Variants in FBN3 observed in about 807,000 individuals in gnomAD.
The protein encoded by FBN3 is fibrillin-3.
A neutral mutation model predicts 330.1 loss-of-function variants in FBN3; 234 were observed. That is an observed-to-expected ratio of 0.71 (90% CI 0.64 to 0.79). The LOEUF (loss-of-function observed/expected upper bound fraction) is 0.79, where lower values mean the gene tolerates loss of function less well. Among genes scored for constraint, FBN3 ranks in the 30% least tolerant of loss-of-function variants. FBN3 has a pLI of 0.00. For missense variants in FBN3, 3,606 were observed against 3,886.9 expected, an observed-to-expected ratio of 0.93 and a Z score of 1.92; for synonymous variants, 1,458 against 1,517.3, an observed-to-expected ratio of 0.96 and a Z score of 0.91.
Position 8,123,884 on chromosome 19 carries a change from C to T in FBN3, c.2856G>A (p.Glu952=). ...SIGAVWGVEC[E]ACPDPESLEF... ...CCAGAGACTCGGGATCCGGGCAGGC[C>T]TCGCACTCGACTCCCCACACGGCCC... The change falls in exon 23 of 64, where the codon GAG becomes GAA. Residue 952 remains glutamate, a synonymous_variant. Transcript: ENST00000600128. 1 of 1,613,722 alleles carries T rather than the reference C, an allele frequency of 6.2e-7. No individual in the cohort carries two copies. Among genetic ancestry groups the T allele is most frequent in the African/African-American group, 1.3e-5 (1 of 75,044 alleles).
rs758953789 is a variant in FBN3 at position 8,108,230 on chromosome 19, T to C, written c.4627A>G (p.Arg1543Gly). 1.2e-6 allele frequency: 2 copies of C among 1,610,492 alleles called. No homozygotes were observed. Among genetic ancestry groups the C allele is most frequent in the South Asian group, 2.2e-5 (2 of 90,466 alleles). The part of the protein sequence containing the change: ...LCPMANTTEY[R>G]TLCPGGEGFQ... ...CCCTCACCACCCGGGCACAGGGTTCTGTACTCAGCTGTAAAGGGAAACAGG... is the reference window on the plus strand; with the variant it reads ...CCCTCACCACCCGGGCACAGGGTTCCGTACTCAGCTGTAAAGGGAAACAGG... The change falls in exon 37 of 64, where the codon AGA becomes GGA. Residue 1543 changes from arginine (R) to glycine (G), a missense_variant. By Grantham distance (125) the Arg-to-Gly change is moderately radical. Coordinates refer to ENST00000600128, the MANE Select transcript of FBN3 (RefSeq NM_032447.5).
chr19:8,110,948 T>C lies in FBN3; in HGVS notation c.4230A>G (p.Gln1410=). ...RACQDVDECA[Q]GNLCAFGSCE... is the part of the protein sequence containing the mutation. ...AGCTCCCAAATGCACAGAGGTTCCC[T>C]TGCGCACACTCGTCCACATCTGCGG... Residue 1410 remains glutamine (Q), a synonymous_variant, in exon 34 of 64, where the codon CAA becomes CAG. Coordinates refer to ENST00000600128, the MANE Select transcript of FBN3 (RefSeq NM_032447.5). 6.2e-7 allele frequency: 1 copy of C among 1,614,238 alleles called. No homozygotes were observed.
intron 22 of FBN3, among the ~76,000 whole-genome samples, chr19:8,124,539 A>AT (rs55867844): frequency 0.046 from 6,070 of 132,316 alleles, 194 homozygotes; most frequent in East Asian, 0.1. Flanking sequence ...TGCCTGGCCA[A>AT]TTTTTTTTTT....
chr19:8,121,342 T>C lies in FBN3; in HGVS notation c.3127A>G (p.Thr1043Ala), dbSNP rs1485484770. The change falls in exon 25 of 64, where the codon ACC becomes GCC. Residue 1043 changes from threonine (T) to alanine (A), a missense_variant. Thr to Ala is a moderately conservative substitution (Grantham distance 58, BLOSUM62 0). Coordinates refer to ENST00000600128, the MANE Select transcript of FBN3 (RefSeq NM_032447.5). This position sits in a 1 kb window ranked among gnomAD's most constrained non-coding sequence, Gnocchi z 4.5. ...RISPDLCGQG[T>A]CVNTPGSFEC... Reference sequence around the variant, plus strand: ...AAGCTGCCCGGCGTGTTGACACAGGTGCCCTGGCCGCAGAGGTCAGGAGAG... The same window carrying C: ...AAGCTGCCCGGCGTGTTGACACAGGCGCCCTGGCCGCAGAGGTCAGGAGAG... The C allele has an allele frequency of 1.2e-6, 2 of 1,613,348 alleles. No individual in the cohort carries two copies. The highest frequency in any genetic ancestry group is 2.2e-5 in the South Asian group (2 of 90,980).
chr19:8,108,330 C>T, intron 36 of FBN3, 92 bp from the exon 37 acceptor site: 1 of 952,130 alleles, frequency 1.1e-6, no homozygotes, highest in Non-Finnish European at 1.6e-6. Context: ...GAAAAGGGCT[C>T]AAGAGTGGGC....
rs570980834 is a variant in FBN3, at chr19:8,106,826, C to T, written c.4688-593G>A. Among the ~76,000 whole-genome samples, 9 of 144,272 alleles carry T rather than the reference C, an allele frequency of 6.2e-5. No individual in the cohort carries two copies. The South Asian group carries it at 9.1e-4, about 15-fold the overall frequency. 94.6% of individuals were successfully genotyped at this position (144,272 alleles called of 152,430 possible). ...GGGGGAATAGAAAGGGAGTAGGGAACGGGTGGATGGGAAATGGGTGGATGG... is the reference window on the plus strand; with the variant it reads ...GGGGGAATAGAAAGGGAGTAGGGAATGGGTGGATGGGAAATGGGTGGATGG... On this transcript the variant is annotated intron_variant, in intron 37 of 63. Coordinates refer to ENST00000600128, the MANE Select transcript of FBN3 (RefSeq NM_032447.5).
chr19:8,111,239 G>C, intron 32 of FBN3, 56 bp from the exon 33 acceptor site: 1 of 1,531,310 alleles, frequency 6.5e-7, no homozygotes, highest in Non-Finnish European at 8.8e-7. Flanking sequence ...ACCCACACAG[G>C]GTGGGCAGGA....
intron 51 of FBN3, among the ~76,000 whole-genome samples, chr19:8,089,150 T>A (rs2082035648): frequency 6.6e-6 from 1 of 151,978 alleles, no homozygotes; most frequent in Non-Finnish European, 1.5e-5. Context: ...AATTAATAAG[T>A]GAATGAATGA....
At chr19:8,119,260 G>T (rs536142296) in intron 25 of FBN3, among the ~76,000 whole-genome samples, 1 of 152,278 alleles carries the variant, frequency 6.6e-6, no homozygotes, top group African/African-American at 2.4e-5. Context: ...AGGCCACGAA[G>T]CTGACACTCT....
At chr19:8,135,936 G>GAGCCA in intron 13 of FBN3, 25 bp downstream of exon 13, 1 of 668,778 alleles carries the variant, frequency 1.5e-6, no homozygotes. Context: ...GGAAGCCCCT[G>GAGCCA]CCCACCCGCC....
intron 59 of FBN3, among the ~76,000 whole-genome samples, chr19:8,079,372 A>C (rs1438396262): frequency 6.6e-6 from 1 of 152,112 alleles, no homozygotes; most frequent in African/African-American, 2.4e-5. Flanking sequence ...AGCTGCGATC[A>C]CATTGCTGTA....
At position 8,116,935 on chromosome 19, in the gene FBN3, C is replaced by G. The variant is rs2082718841; in HGVS notation, c.3587-136G>C. On this transcript the variant is annotated intron_variant, in intron 28 of 63. Coordinates refer to ENST00000600128, the MANE Select transcript of FBN3 (RefSeq NM_032447.5). Reference sequence around the variant, plus strand: ...GTCACTCGAGTAGTCTGGGGGCGCTCAAGCAGTTCTGAGGTTCTTTTCCAC... The same window carrying G: ...GTCACTCGAGTAGTCTGGGGGCGCTGAAGCAGTTCTGAGGTTCTTTTCCAC... 4.1e-6 allele frequency: 5 copies of G among 1,221,154 alleles called. No homozygotes were observed. In the East Asian group the frequency reaches 1.0e-4, roughly 25 times the overall value. 75.6% of individuals were successfully genotyped at this position (1,221,154 alleles called of 1,614,324 possible). A position where few individuals can be genotyped will look rare whatever the true frequency, so the allele number is the denominator to read the frequency against.
At position 8,117,277 on chromosome 19, in the gene FBN3, G is replaced by A. The variant is rs555618425; in HGVS notation, c.3478C>T (p.Arg1160Trp). 1.0e-4 allele frequency: 161 copies of A among 1,613,780 alleles called. 2 individuals carry two copies. The South Asian group carries it at 1.6e-3, about 16-fold the overall frequency. ...ACGTCACACCCACCATTCTGGACCC[G>A]GCATTCGTTGATGTCTGCAGGATGC... is the stretch of plus-strand genomic sequence containing the variant. Reference protein sequence around the residue: ...RQGCVDINECRVQNGGCDVHC... With the variant: ...RQGCVDINECWVQNGGCDVHC... Residue 1160 changes from arginine to tryptophan, a missense_variant, in exon 28 of 64, where the codon CGG becomes TGG. Coordinates refer to ENST00000600128, the MANE Select transcript of FBN3 (RefSeq NM_032447.5).
intron 55 of FBN3, 53 bp from the exon 56 acceptor site, chr19:8,085,622 G>A (rs375163531): frequency 1.4e-6 from 2 of 1,389,262 alleles, no homozygotes; most frequent in Admixed American, 2.8e-5. Flanking sequence ...TGGTTTGGGG[G>A]CAAAGACTGA....
chr19:8,077,376 T>C (rs1310391930), intron 59 of FBN3, among the ~76,000 whole-genome samples: 1 of 152,142 alleles, frequency 6.6e-6, no homozygotes, highest in African/African-American at 2.4e-5. Context: ...CAGTGGCTTA[T>C]GCCTGTAATC....
In FBN3 at chr19:8,096,542, T is replaced by C. The variant is rs2082212428; in HGVS notation, c.5441A>G (p.Asn1814Ser). Residue 1814 changes from asparagine (N) to serine (S), a missense_variant, in exon 44 of 64, where the codon AAT (asparagine) becomes AGT (serine). Asn to Ser is a conservative substitution (Grantham distance 46, BLOSUM62 1). Transcript: ENST00000600128. The surrounding 1 kb of genome is among the most constrained non-coding windows in gnomAD (Gnocchi z 4.6). Reference sequence around the variant, plus strand: ...CATGCAGTCACCATGGCTACAGACATTCGGGATCTCCCGACACTCATTCCG... The same window carrying C: ...CATGCAGTCACCATGGCTACAGACACTCGGGATCTCCCGACACTCATTCCG... Reference protein sequence around the residue: ...VGRNECREIPNVCSHGDCMDT... With the variant: ...VGRNECREIPSVCSHGDCMDT... The C allele has an allele frequency of 6.2e-7, 1 of 1,613,526 alleles. No individual in the cohort carries two copies. Among genetic ancestry groups the C allele is most frequent in the Non-Finnish European group, 8.5e-7 (1 of 1,179,916 alleles).
intron 32 of FBN3, 130 bp from the exon 33 acceptor site, chr19:8,111,313 A>G (rs996857191): frequency 1.7e-6 from 2 of 1,194,972 alleles, no homozygotes; most frequent in Non-Finnish European, 2.3e-6. Flanking sequence ...CTGGGGACTC[A>G]GTCCCTGACT....
chr19:8,103,978 A>T (rs956101699), intron 38 of FBN3, among the ~76,000 whole-genome samples: 7 of 151,806 alleles, frequency 4.6e-5, no homozygotes, highest in African/African-American at 1.7e-4. Flanking sequence ...TCTACTAAAA[A>T]TTTTAAAAAA....
rs2083231725 is a variant in FBN3, at chr19:8,134,499, G to GC, written c.1592-1394dup. On this transcript the variant is annotated intron_variant, in intron 13 of 63. Coordinates refer to ENST00000600128, the MANE Select transcript of FBN3 (RefSeq NM_032447.5). ...TGGCTGAGGCGGGGACATTGCTTGA[G>GC]CCCCCCAGGGCCCCTCCCTGGGGTG... Among the ~76,000 whole-genome samples, 2 of 151,968 alleles carry GC rather than the reference G, an allele frequency of 1.3e-5. 1 individual carries two copies. Among genetic ancestry groups the GC allele is most frequent in the South Asian group, 4.2e-4 (2 of 4,818 alleles).
Sources: gnomAD v4.1 joint callset for allele counts (sites outside exome capture counted in the v4.1 genomes callset) on GRCh38, gnomAD v4.1.1 for gene constraint, Gnocchi (gnomAD v3.1) non-coding constraint, MANE v1.5 for transcripts, NCBI Gene and HGNC (gene_info 2026-07-23, HGNC 2026-07-21) for gene names.